Variants in B3GAT2 observed in about 807,000 individuals in gnomAD.
The protein encoded by B3GAT2 is galactosylgalactosylxylosylprotein 3-beta-glucuronosyltransferase 2.
In B3GAT2, 26 loss-of-function variants were observed where a neutral mutation model predicts 27.8. The observed-to-expected ratio is 0.93, with a 90% CI of 0.68 to 1.30. The LOEUF is 1.30. Ranked by LOEUF, B3GAT2 falls within the 50% of genes most tolerant of loss-of-function variation. The probability of loss-of-function intolerance (pLI) is 0.00; values close to 1 mark genes in which losing one functional copy is unlikely to be tolerated. For missense variants in B3GAT2, 458 were observed against 459.0 expected (o/e 1.00, Z 0.02); for synonymous variants, 218 against 195.1 (o/e 1.12, Z -0.98).
At position 70,956,301 on chromosome 6, in the gene B3GAT2, G is replaced by T. The variant is rs1451232846; in HGVS notation, c.129C>A (p.Tyr43Ter). 1 of 1,599,054 alleles carries T rather than the reference G, an allele frequency of 6.3e-7. No homozygotes were observed. Among genetic ancestry groups the T allele is most frequent in the African/African-American group, 1.3e-5 (1 of 74,844 alleles). The part of the protein sequence containing the change: ...PLTPRPYFSP[Y>*]AVGRGGARLP... ...GTCGGGCGCCCCCGCGGCCCACCGC[G>T]TAGGGAGAGAAGTAGGGGCGCGGGG... Residue 43 changes from tyrosine to a stop codon, truncating the protein, a stop_gained, in exon 1 of 4, where the codon TAC becomes TAA. Coordinates refer to ENST00000230053, the MANE Select transcript of B3GAT2 (RefSeq NM_080742.3). LOFTEE classifies it high-confidence loss of function.
At chr6:70,883,274 A>C (rs974329896) in intron 2 of B3GAT2, among the ~76,000 whole-genome samples, 1 of 152,156 alleles carries the variant, frequency 6.6e-6, no homozygotes, top group Non-Finnish European at 1.5e-5. Flanking sequence ...CTGTGCACCA[A>C]TGTTTATAGC....
intron 1 of B3GAT2, among the ~76,000 whole-genome samples, chr6:70,945,870 T>C (rs1765474117): frequency 6.6e-6 from 1 of 151,598 alleles, no homozygotes; most frequent in Admixed American, 6.6e-5. Context: ...TAACAGCCGA[T>C]CTCTCGGCAG....
chr6:70,866,899 G>C (rs993422518), intron 2 of B3GAT2, among the ~76,000 whole-genome samples: 9 of 152,158 alleles, frequency 5.9e-5, no homozygotes, highest in Non-Finnish European at 7.4e-5. Context: ...TATCACGATA[G>C]TTAGACCATA....
At chr6:70,940,566 A>C (rs1366316451) in intron 1 of B3GAT2, among the ~76,000 whole-genome samples, 1 of 152,146 alleles carries the variant, frequency 6.6e-6, no homozygotes, top group Non-Finnish European at 1.5e-5. Context: ...TGCCAACGAT[A>C]ATCACTGTAT....
In B3GAT2 at chr6:70,956,699, C is replaced by G. The variant is rs552134267; in HGVS notation, c.-270G>C. On this transcript the variant is annotated 5_prime_UTR_variant, in exon 1 of 4. Transcript: ENST00000230053. ...CCAGGTGAGCTGGCGGGAAGCGGGACTCGGTCCAGCCGCGCGCCGCCGGTC... is the reference window on the plus strand; with the variant it reads ...CCAGGTGAGCTGGCGGGAAGCGGGAGTCGGTCCAGCCGCGCGCCGCCGGTC... 2 of 1,368,290 alleles carry G rather than the reference C, an allele frequency of 1.5e-6. No individual in the cohort carries two copies. Among genetic ancestry groups the G allele is most frequent in the Non-Finnish European group, 1.9e-6 (2 of 1,062,496 alleles). The allele number at this position is 1,368,290 out of a possible 1,614,324, so 84.8% of individuals were successfully genotyped here. A position where few individuals can be genotyped will look rare whatever the true frequency, so the allele number is the denominator to read the frequency against.
Position 70,859,329 on chromosome 6 carries a change from A to T in B3GAT2, c.*2334T>A. The T allele has an allele frequency of 2.6e-6, 4 of 1,546,832 alleles. No homozygotes were observed. The highest frequency in any genetic ancestry group is 3.5e-6 in the Non-Finnish European group (4 of 1,145,418). On this transcript the variant is annotated 3_prime_UTR_variant, in exon 4 of 4. Transcript: ENST00000230053. Reference sequence around the variant, plus strand: ...AGTTAATACTGGCTCTTACTTCCAGATAATGCAGAAGGGTGATGCTGTTCT... The same window carrying T: ...AGTTAATACTGGCTCTTACTTCCAGTTAATGCAGAAGGGTGATGCTGTTCT...
At chr6:70,946,074 A>G (rs6925947) in intron 1 of B3GAT2, among the ~76,000 whole-genome samples, 56,818 of 151,702 alleles carry the variant, frequency 0.37, 11,523 homozygotes, top group African/African-American at 0.54. Context: ...TGAAGGAAGC[A>G]CTAAACATGG....
At chr6:70,883,464 A>C (rs1290841795) in intron 2 of B3GAT2, among the ~76,000 whole-genome samples, 1 of 151,620 alleles carries the variant, frequency 6.6e-6, no homozygotes, top group Non-Finnish European at 1.5e-5. Flanking sequence ...AATAAGCAAA[A>C]AAAAAAAAAA....
At chr6:70,863,806 T>A (rs2150020991) in intron 2 of B3GAT2, among the ~76,000 whole-genome samples, 1 of 152,272 alleles carries the variant, frequency 6.6e-6, no homozygotes, top group South Asian at 2.1e-4. Context: ...CATTTATGGC[T>A]GAAAGAATAC....
intron 1 of B3GAT2, among the ~76,000 whole-genome samples, chr6:70,929,642 G>C (rs1773027502): frequency 6.6e-6 from 1 of 152,196 alleles, no homozygotes; most frequent in Non-Finnish European, 1.5e-5. Flanking sequence ...TACAAGGGAT[G>C]TGAAGGACCT....
rs5877266 is a variant in B3GAT2 at position 70,889,786 on chromosome 6, A to ATT, written c.736+4340_736+4341dup. Among the ~76,000 whole-genome samples, 13 of 141,776 alleles carry ATT rather than the reference A, an allele frequency of 9.2e-5. 1 individual carries two copies. The highest frequency in any genetic ancestry group is 2.6e-4 in the African/African-American group (10 of 38,378). The allele number at this position is 141,776 out of a possible 152,430, so 93.0% of individuals were successfully genotyped here. ...CCCCCTCTGCTCCATTAGAAACCTA[A>ATT]TTTTTTTTTTTTTTTTGAAACAGTC... On this transcript the variant is annotated intron_variant, in intron 2 of 3. Coordinates refer to ENST00000230053, the MANE Select transcript of B3GAT2 (RefSeq NM_080742.3).
intron 2 of B3GAT2, among the ~76,000 whole-genome samples, chr6:70,867,782 T>C (rs1166741655): frequency 1.3e-5 from 2 of 151,898 alleles, no homozygotes; most frequent in African/African-American, 4.8e-5. Flanking sequence ...TTCTAGAAAA[T>C]AGAAAAGGAG....
chr6:70,889,574 A>G (rs749773601), intron 2 of B3GAT2, among the ~76,000 whole-genome samples: 1 of 152,046 alleles, frequency 6.6e-6, no homozygotes. Flanking sequence ...CGCCTTACAC[A>G]ACCTCAGTCC....
chr6:70,937,215 C>A (rs1425931073), intron 1 of B3GAT2, among the ~76,000 whole-genome samples: 1 of 152,004 alleles, frequency 6.6e-6, no homozygotes. Context: ...GAAGTTGAAT[C>A]TCTGAATAGA....
At chr6:70,929,231 G>C (rs1051693156) in intron 1 of B3GAT2, among the ~76,000 whole-genome samples, 9 of 152,044 alleles carry the variant, frequency 5.9e-5, no homozygotes, top group Non-Finnish European at 1.3e-4. Context: ...ATAGCATTAG[G>C]AGATATACCT....
intron 1 of B3GAT2, among the ~76,000 whole-genome samples, chr6:70,898,181 A>C (rs1231817841): frequency 6.6e-6 from 1 of 152,186 alleles, no homozygotes; most frequent in East Asian, 1.9e-4. Context: ...TCTATATATT[A>C]ATTTGGTGAC....
Position 70,956,408 on chromosome 6 carries a change from G to C in B3GAT2, c.22C>G (p.Arg8Gly). MKSALFTRFFILLPWILI... is the reference protein window; with the variant it reads MKSALFTGFFILLPWILI... ...ATCCAGGGCAGGAGGATAAAGAAGC[G>C]GGTGAAAAGCGCGGACTTCATGGTG... Residue 8 changes from arginine (R) to glycine (G), a missense_variant, in exon 1 of 4, where the codon CGC becomes GGC. Arg to Gly is a moderately radical substitution (Grantham distance 125, BLOSUM62 -2). Coordinates refer to ENST00000230053, the MANE Select transcript of B3GAT2 (RefSeq NM_080742.3). 1 of 1,552,012 alleles carries C rather than the reference G, an allele frequency of 6.4e-7. No individual in the cohort carries two copies. Among genetic ancestry groups the C allele is most frequent in the Non-Finnish European group, 8.7e-7 (1 of 1,147,188 alleles).
intron 1 of B3GAT2, among the ~76,000 whole-genome samples, chr6:70,936,228 T>C (rs1765278566): frequency 6.6e-6 from 1 of 152,018 alleles, no homozygotes; most frequent in South Asian, 2.1e-4. Flanking sequence ...ATGCACCCAA[T>C]ACAGGAGCAC....
Position 70,858,291 on chromosome 6 carries a change from T to TC in B3GAT2, c.*3371_*3372insG. 1.3e-6 allele frequency: 1 copy of TC among 758,826 alleles called. No individual in the cohort carries two copies. The highest frequency in any genetic ancestry group is 3.8e-5 in the East Asian group (1 of 26,368). 47.0% of individuals were successfully genotyped at this position (758,826 alleles called of 1,614,324 possible). A position where few individuals can be genotyped will look rare whatever the true frequency, so the allele number is the denominator to read the frequency against. ...AACCAGATTTATTTTCTAAATCTTT[T>TC]TTTTTTTTTTTTTTTTTTTTTTTTA... On this transcript the variant is annotated 3_prime_UTR_variant, in exon 4 of 4. Transcript: ENST00000230053.
Sources: allele counts gnomAD v4.1 joint callset (sites outside exome capture counted in the v4.1 genomes callset), GRCh38; gene constraint gnomAD v4.1.1; transcripts MANE v1.5; gene names NCBI Gene and HGNC (gene_info 2026-07-23, HGNC 2026-07-21).